Variants in UVRAG observed in about 807,000 individuals in gnomAD.
UVRAG encodes the protein UV radiation resistance associated.
In UVRAG, 19 loss-of-function variants were observed where a neutral mutation model predicts 78.0. The observed-to-expected ratio is 0.24, with a 90% confidence interval of 0.17 to 0.36. The LOEUF is 0.36. UVRAG is among the 10% of genes least tolerant of loss of function. The pLI, the probability that UVRAG is intolerant of heterozygous loss-of-function variation, is 1.00. For synonymous variants in UVRAG, 323 were observed against 324.6 expected (o/e 1.00, Z 0.05); for missense variants, 740 against 853.8 (o/e 0.87, Z 1.66).
At chr11:76,087,627 A>G (rs1951612339) in intron 13 of UVRAG, among the ~76,000 whole-genome samples, 2 of 152,310 alleles carry the variant, frequency 1.3e-5, no homozygotes, top group South Asian at 4.1e-4. Context: ...TGCCCTTGTT[A>G]TACAGCTTTA....
chr11:76,037,148 A>C (rs1244838967), intron 12 of UVRAG, among the ~76,000 whole-genome samples: 1 of 152,162 alleles, frequency 6.6e-6, no homozygotes, highest in African/African-American at 2.4e-5. Flanking sequence ...TGAACAGGAC[A>C]ATAGAAGAAA....
chr11:76,072,098 G>C (rs1219405697), intron 13 of UVRAG, among the ~76,000 whole-genome samples: 1 of 152,144 alleles, frequency 6.6e-6, no homozygotes, highest in Non-Finnish European at 1.5e-5. Flanking sequence ...AGAACGCAGA[G>C]CTGAAAAGAG....
chr11:76,009,405 T>C (rs1033444805), intron 11 of UVRAG, among the ~76,000 whole-genome samples: 3 of 152,316 alleles, frequency 2.0e-5, no homozygotes, highest in African/African-American at 7.2e-5. Context: ...TAGTAATTTC[T>C]ATATTTTAAA....
At chr11:75,852,060 A>G (rs1232817002) in intron 2 of UVRAG, 60 bp downstream of exon 2, 3 of 1,243,658 alleles carry the variant, frequency 2.4e-6, no homozygotes, top group East Asian at 4.8e-5. Context: ...TTTTTGTAAC[A>G]CAAGTGATTC....
chr11:75,983,350 T>C (rs947360933), intron 7 of UVRAG, 37 bp from the exon 8 acceptor site: 22 of 1,517,826 alleles, frequency 1.4e-5, no homozygotes, highest in Admixed American at 1.2e-4. Flanking sequence ...TCATGACATT[T>C]ATATTCATAA....
At chr11:75,827,625 C>T (rs1246592685) in intron 1 of UVRAG, among the ~76,000 whole-genome samples, 2 of 151,998 alleles carry the variant, frequency 1.3e-5, no homozygotes, top group Admixed American at 6.6e-5. Flanking sequence ...AACAAACAAA[C>T]AAACAAACAA....
Position 75,815,291 on chromosome 11 carries a change from T to A in UVRAG, c.-117T>A. The stretch of plus-strand genomic sequence containing the variant: ...GGCGGCTACTGTCTGGGCTGAGCAG[T>A]AGTGCCTCTCGGGTGGCGGGTTTCT... On this transcript the variant is annotated 5_prime_UTR_variant, in exon 1 of 15. Coordinates refer to ENST00000356136, the MANE Select transcript of UVRAG (RefSeq NM_003369.4). 1.9e-6 allele frequency: 1 copy of A among 515,872 alleles called. No homozygotes were observed. The allele number at this position is 515,872 out of a possible 1,614,324, so 32.0% of individuals were successfully genotyped here. A position where few individuals can be genotyped will look rare whatever the true frequency, so the allele number is the denominator to read the frequency against.
At chr11:75,988,751 A>G (rs1305500421) in intron 8 of UVRAG, among the ~76,000 whole-genome samples, 2 of 152,188 alleles carry the variant, frequency 1.3e-5, no homozygotes, top group Non-Finnish European at 2.9e-5. Flanking sequence ...TTTAGATTTT[A>G]GCCATGTTAG....
intron 6 of UVRAG, among the ~76,000 whole-genome samples, chr11:75,918,789 A>G (rs540996978): frequency 3.8e-4 from 58 of 152,324 alleles, no homozygotes; most frequent in Non-Finnish European, 6.5e-4. Flanking sequence ...TTACTAGAGG[A>G]CTAAAGTTTT....
intron 13 of UVRAG, among the ~76,000 whole-genome samples, chr11:76,108,667 T>A (rs1851228898): frequency 6.6e-6 from 1 of 152,230 alleles, no homozygotes; most frequent in South Asian, 2.1e-4. Context: ...AGACAGTTAA[T>A]GGAATTGACA....
chr11:75,897,943 C>T lies in UVRAG; in HGVS notation c.507+9040C>T, dbSNP rs534839139. On this transcript the variant is annotated intron_variant, in intron 5 of 14. Transcript: ENST00000356136. ...GGAGTGCAGTGGCGCGATCTCGGCT[C>T]ACTGCAAGCTCCGCCTCCTGGGTTC... Among the ~76,000 whole-genome samples the T allele has an allele frequency of 4.9e-5, 7 of 142,776 alleles. No individual in the cohort carries two copies. In the East Asian group the frequency reaches 1.5e-3, roughly 30 times the overall value. The allele number at this position is 142,776 out of a possible 152,430, so 93.7% of individuals were successfully genotyped here. A position where few individuals can be genotyped will look rare whatever the true frequency, so the allele number is the denominator to read the frequency against.
intron 13 of UVRAG, among the ~76,000 whole-genome samples, chr11:76,070,089 G>A (rs183845574): frequency 2.0e-3 from 297 of 151,942 alleles, no homozygotes; most frequent in African/African-American, 6.7e-3. Context: ...CAAACACAAC[G>A]CACACACACA....
chr11:75,818,810 G>A lies in UVRAG; in HGVS notation c.117+3286G>A, dbSNP rs1209266987. Among the ~76,000 whole-genome samples the A allele has an allele frequency of 3.9e-5, 6 of 152,164 alleles. No individual in the cohort carries two copies. The South Asian group carries it at 6.2e-4, about 16-fold the overall frequency. ...TATTTCTAAACAAATAAACAAGCCC[G>A]GTTGGTTTAGGATTTTTATGATCAA... On this transcript the variant is annotated intron_variant, in intron 1 of 14. Transcript: ENST00000356136.
chr11:75,950,253 A>G (rs1015307337), intron 6 of UVRAG, among the ~76,000 whole-genome samples: 6 of 151,970 alleles, frequency 3.9e-5, no homozygotes, highest in African/African-American at 1.5e-4. Context: ...GCTTTCTCCT[A>G]TTTATTTATT....
Position 76,080,529 on chromosome 11 carries a change from A to C in UVRAG, c.1305+14741A>C, listed in dbSNP as rs180725219. ...TATATATATATAAATTATTTTTTTC[A>C]GACAAAAACTGAATCCTAGTGAAGT... On this transcript the variant is annotated intron_variant, in intron 13 of 14. Coordinates refer to ENST00000356136, the MANE Select transcript of UVRAG (RefSeq NM_003369.4). Among the ~76,000 whole-genome samples the C allele has an allele frequency of 1.9e-3, 289 of 152,022 alleles. 1 individual carries two copies. The highest frequency in any genetic ancestry group is 6.6e-3 in the African/African-American group (274 of 41,508).
At chr11:75,881,605 T>C (rs971693931) in intron 4 of UVRAG, among the ~76,000 whole-genome samples, 1 of 152,146 alleles carries the variant, frequency 6.6e-6, no homozygotes, top group Non-Finnish European at 1.5e-5. Context: ...TCCTTTCACA[T>C]TGGGTTTTGC....
chr11:76,126,535 C>T (rs1952398454), intron 14 of UVRAG, among the ~76,000 whole-genome samples: 1 of 152,094 alleles, frequency 6.6e-6, no homozygotes, highest in African/African-American at 2.4e-5. Flanking sequence ...TTTTGTATAA[C>T]GTAATGTCTT....
intron 1 of UVRAG, among the ~76,000 whole-genome samples, chr11:75,821,294 A>G (rs1311252721): frequency 6.6e-6 from 1 of 152,126 alleles, no homozygotes; most frequent in Non-Finnish European, 1.5e-5. Context: ...CGTTGTATGT[A>G]TATACTACAT....
At chr11:76,017,409 A>T (rs1177736209) in intron 12 of UVRAG, among the ~76,000 whole-genome samples, 2 of 152,200 alleles carry the variant, frequency 1.3e-5, no homozygotes, top group African/African-American at 4.8e-5. Context: ...ATAGGTCAGC[A>T]GAAAATACAA....
Sources: allele counts gnomAD v4.1 joint callset (sites outside exome capture counted in the v4.1 genomes callset), GRCh38; gene constraint gnomAD v4.1.1; transcripts MANE v1.5; gene names NCBI Gene and HGNC (gene_info 2026-07-23, HGNC 2026-07-21).